The following MYO1E variants were observed in gnomAD, a reference collection of about 807,000 sequenced individuals.
MYO1E encodes the protein myosin IE.
A neutral mutation model predicts 151.1 loss-of-function variants in MYO1E; 68 were observed. The observed-to-expected ratio is 0.45, with a 90% CI of 0.37 to 0.55. MYO1E has a LOEUF of 0.55. Among genes scored for constraint, MYO1E ranks in the 20% least tolerant of loss-of-function variants. The probability of loss-of-function intolerance (pLI) is 0.00; values close to 1 mark genes in which losing one functional copy is unlikely to be tolerated. For missense variants in MYO1E, 1,363 were observed against 1,389.3 expected, an observed-to-expected ratio of 0.98 and a Z score of 0.30; for synonymous variants, 601 against 501.7, an observed-to-expected ratio of 1.20 and a Z score of -2.64.
intron 17 of MYO1E, among the ~76,000 whole-genome samples, chr15:59,194,356 T>A (rs1292162312): frequency 6.6e-6 from 1 of 152,196 alleles, no homozygotes; most frequent in African/African-American, 2.4e-5. Context: ...ACAGTAAATG[T>A]TTGACCTACG....
At chr15:59,337,467 A>G (rs2080736220) in intron 1 of MYO1E, among the ~76,000 whole-genome samples, 1 of 152,238 alleles carries the variant, frequency 6.6e-6, no homozygotes, top group South Asian at 2.1e-4. Context: ...ACAATTTCGC[A>G]TTTGGCAGAA....
intron 22 of MYO1E, among the ~76,000 whole-genome samples, chr15:59,170,381 G>A (rs1306801130): frequency 6.6e-6 from 1 of 152,180 alleles, no homozygotes; most frequent in Non-Finnish European, 1.5e-5. Context: ...GCACGCTGTG[G>A]CCAACCTGGC....
chr15:59,159,762 T>A lies in MYO1E; in HGVS notation c.2785+1311A>T, dbSNP rs996255354. Among the ~76,000 whole-genome samples, 1 of 152,202 alleles carries A rather than the reference T, an allele frequency of 6.6e-6. No individual in the cohort carries two copies. The highest frequency in any genetic ancestry group is 1.5e-5 in the Non-Finnish European group (1 of 68,048). ...GAGTGGCTCTACATATATAAAGATA[T>A]GATGGCATTTGCTGGTATTGTATTA... On this transcript the variant is annotated intron_variant, in intron 24 of 27. Transcript: ENST00000288235. The surrounding 1 kb of genome is among the most constrained non-coding windows in gnomAD (Gnocchi z 4.4).
chr15:59,271,919 G>A (rs889536098), intron 2 of MYO1E, among the ~76,000 whole-genome samples: 1 of 152,228 alleles, frequency 6.6e-6, no homozygotes, highest in Non-Finnish European at 1.5e-5. Context: ...TAAAGTAGAT[G>A]AATACTGGCT....
chr15:59,259,148 T>TA (rs1243915961), intron 3 of MYO1E, among the ~76,000 whole-genome samples: 1 of 152,178 alleles, frequency 6.6e-6, no homozygotes, highest in East Asian at 1.9e-4. Context: ...GACCAAAACT[T>TA]TAGGCACTGA....
chr15:59,272,377 G>A lies in MYO1E; in HGVS notation c.76C>T (p.Leu26=). 1 of 1,613,950 alleles carries A rather than the reference G, an allele frequency of 6.2e-7. No homozygotes were observed. Among genetic ancestry groups the A allele is most frequent in the Non-Finnish European group, 8.5e-7 (1 of 1,179,790 alleles). ...GAGTTCTCTGTGATCTTGGACAGTA[G>A]CACCATGTCGTCCACACCACTGTGC... ...VKHSGVDDMV[L]LSKITENSIV... Residue 26 remains leucine, a synonymous_variant, in exon 2 of 28, where the codon CTA becomes TTA. Transcript: ENST00000288235.
intron 4 of MYO1E, among the ~76,000 whole-genome samples, chr15:59,255,775 T>A (rs1302278189): frequency 6.6e-6 from 1 of 152,222 alleles, no homozygotes; most frequent in Non-Finnish European, 1.5e-5. Context: ...CACTGAAAGC[T>A]GTCCTAGGCC....
intron 19 of MYO1E, among the ~76,000 whole-genome samples, chr15:59,176,118 G>A (rs1213796045): frequency 6.6e-6 from 1 of 152,172 alleles, no homozygotes; most frequent in Admixed American, 6.5e-5. Flanking sequence ...GAGTGCAGTG[G>A]CGCGATCTCG....
At chr15:59,281,268 T>C (rs1232894589) in intron 1 of MYO1E, among the ~76,000 whole-genome samples, 14 of 151,742 alleles carry the variant, frequency 9.2e-5, no homozygotes, top group Non-Finnish European at 1.8e-4. Flanking sequence ...TTCTTTTCTT[T>C]TTCTTTTCTT....
In MYO1E at chr15:59,136,490, AAAAGCAGAGCACATCTTT is replaced by A; in HGVS notation, c.*872_*889del. ...AAGCAGTGACACTCCGTAGTTGGAA[AAAAGCAGAGCACATCTTT>A]AAGTACCTGGTGTGAGTTTTGTAAG... is the stretch of plus-strand genomic sequence containing the variant. On this transcript the variant is annotated 3_prime_UTR_variant, in exon 28 of 28. Transcript: ENST00000288235. 1 of 297,156 alleles carries A rather than the reference AAAAGCAGAGCACATCTTT, an allele frequency of 3.4e-6. No individual in the cohort carries two copies. The highest frequency in any genetic ancestry group is 6.8e-6 in the Non-Finnish European group (1 of 146,688). 18.4% of individuals were successfully genotyped at this position (297,156 alleles called of 1,614,324 possible).
chr15:59,197,283 G>A (rs1245190856), intron 16 of MYO1E, among the ~76,000 whole-genome samples: 1 of 152,128 alleles, frequency 6.6e-6, no homozygotes. Context: ...GTGAGCCACT[G>A]TGCCCAGCCT....
chr15:59,277,556 A>ACAACAACAACAAC lies in MYO1E; in HGVS notation c.4-5108_4-5107insGTTGTTGTTGTTG, dbSNP rs79926678. On this transcript the variant is annotated intron_variant, in intron 1 of 27. Coordinates refer to ENST00000288235, the MANE Select transcript of MYO1E (RefSeq NM_004998.4). ...AAGACTCCATCCCCCCACAAAAAAA[A>ACAACAACAACAAC]AAAAAAAAAAAAAAAAACATCAAAG... Among the ~76,000 whole-genome samples, 227 of 143,804 alleles carry ACAACAACAACAAC rather than the reference A, an allele frequency of 1.6e-3. 1 individual carries two copies. The highest frequency in any genetic ancestry group is 5.3e-3 in the Admixed American group (77 of 14,530). The allele number at this position is 143,804 out of a possible 152,430, so 94.3% of individuals were successfully genotyped here. A position where few individuals can be genotyped will look rare whatever the true frequency, so the allele number is the denominator to read the frequency against.
chr15:59,353,257 T>C (rs1207021278), intron 1 of MYO1E, among the ~76,000 whole-genome samples: 1 of 149,882 alleles, frequency 6.7e-6, no homozygotes, highest in Admixed American at 6.7e-5. Flanking sequence ...CTTGGGAGGC[T>C]GAGGTAAGAG....
chr15:59,153,887 TACTTA>T (rs1228689148), intron 25 of MYO1E, 96 bp from the exon 26 acceptor site: 1 of 1,177,568 alleles, frequency 8.5e-7, no homozygotes, highest in Non-Finnish European at 1.3e-6. Flanking sequence ...AAGGGCAGCT[TACTTA>T]ACTTCTGAGT....
chr15:59,136,410 G>GAGTA lies in MYO1E; in HGVS notation c.*966_*969dup, dbSNP rs10678493. 4.8e-3 allele frequency: 864 copies of GAGTA among 180,316 alleles called. 13 individuals carry two copies. Among genetic ancestry groups the GAGTA allele is most frequent in the African/African-American group, 0.019 (819 of 42,782 alleles). The allele number at this position is 180,316 out of a possible 1,614,324, so 11.2% of individuals were successfully genotyped here. A position where few individuals can be genotyped will look rare whatever the true frequency, so the allele number is the denominator to read the frequency against. ...ATTTAGGAGGTGGGGGCAGGACGCG[G>GAGTA]AGTAAGTTTCCTATAGGGAAAGAGT... On this transcript the variant is annotated 3_prime_UTR_variant, in exon 28 of 28. Coordinates refer to ENST00000288235, the MANE Select transcript of MYO1E (RefSeq NM_004998.4).
Position 59,372,818 on chromosome 15 carries a change from T to C in MYO1E, c.-318A>G. On this transcript the variant is annotated 5_prime_UTR_variant, in exon 1 of 28. Coordinates refer to ENST00000288235, the MANE Select transcript of MYO1E (RefSeq NM_004998.4). ...GCTCGGAGCGTCCGCCTCGCTCCCCTGCCTCACTCCTCTTTCTTCGGCCAC... is the reference window on the plus strand; with the variant it reads ...GCTCGGAGCGTCCGCCTCGCTCCCCCGCCTCACTCCTCTTTCTTCGGCCAC... The C allele has an allele frequency of 4.2e-6, 2 of 481,520 alleles. No homozygotes were observed. The highest frequency in any genetic ancestry group is 7.4e-6 in the Non-Finnish European group (2 of 272,082). The allele number at this position is 481,520 out of a possible 1,614,324, so 29.8% of individuals were successfully genotyped here.
At chr15:59,307,975 G>C (rs142973273) in intron 1 of MYO1E, among the ~76,000 whole-genome samples, 3,336 of 150,550 alleles carry the variant, frequency 0.022, 121 homozygotes, top group African/African-American at 0.07. Flanking sequence ...CCAGCACTTG[G>C]GGAGGCCAAG....
chr15:59,312,851 C>T (rs1042029661), intron 1 of MYO1E, among the ~76,000 whole-genome samples: 12 of 146,970 alleles, frequency 8.2e-5, no homozygotes, highest in African/African-American at 3.1e-4. Context: ...AACCCCGACT[C>T]TACTAAAAAT....
chr15:59,214,838 G>C, intron 10 of MYO1E, 118 bp from the exon 11 acceptor site: 1 of 815,610 alleles, frequency 1.2e-6, no homozygotes, highest in Non-Finnish European at 2.2e-6. Flanking sequence ...GCAGGAAACA[G>C]AGGACAAGTG....
Sources: gnomAD v4.1 joint callset for allele counts (sites outside exome capture counted in the v4.1 genomes callset) on GRCh38, gnomAD v4.1.1 for gene constraint, Gnocchi (gnomAD v3.1) non-coding constraint, MANE v1.5 for transcripts, NCBI Gene and HGNC (gene_info 2026-07-23, HGNC 2026-07-21) for gene names.